The following DOK6 variants were observed in gnomAD, a reference collection of about 807,000 sequenced individuals.
DOK6 encodes the protein docking protein 6, also known as downstream of tyrosine kinase 6.
DOK6 carries 22 observed loss-of-function variants against 44.0 expected under a neutral mutation model. The ratio of observed to expected loss-of-function variants is 0.50; its 90% CI spans 0.36 to 0.71. DOK6 has a LOEUF of 0.71. Ranked by LOEUF, DOK6 falls within the 30% of genes least tolerant of loss-of-function variation. The pLI, the probability that DOK6 is intolerant of heterozygous loss-of-function variation, is 0.00. For synonymous variants in DOK6, 166 were observed against 145.5 expected (o/e 1.14, Z -1.01); for missense variants, 340 against 416.4 (o/e 0.82, Z 1.60).
chr18:69,529,132 G>A (rs1317413193), intron 1 of DOK6, among the ~76,000 whole-genome samples: 1 of 152,134 alleles, frequency 6.6e-6, no homozygotes, highest in Non-Finnish European at 1.5e-5. Flanking sequence ...TGCAACGAAA[G>A]GAAATTATTT....
chr18:69,509,474 A>G (rs533724453), intron 1 of DOK6, among the ~76,000 whole-genome samples: 2 of 151,816 alleles, frequency 1.3e-5, no homozygotes, highest in South Asian at 4.2e-4. Context: ...CGTCTCTACT[A>G]AAAAATAGAA....
chr18:69,669,541 A>G (rs1037179207), intron 3 of DOK6, among the ~76,000 whole-genome samples: 1 of 152,170 alleles, frequency 6.6e-6, no homozygotes, highest in Non-Finnish European at 1.5e-5. Flanking sequence ...GGCCTTTTAT[A>G]TGACACCTGT....
chr18:69,419,012 G>T (rs1176598320), intron 1 of DOK6, among the ~76,000 whole-genome samples: 2 of 152,064 alleles, frequency 1.3e-5, no homozygotes, highest in East Asian at 3.9e-4. Flanking sequence ...AGTGTTCTCT[G>T]TGAAATGAGG....
chr18:69,603,635 G>T (rs1224294617), intron 3 of DOK6, among the ~76,000 whole-genome samples: 1 of 152,126 alleles, frequency 6.6e-6, no homozygotes, highest in Admixed American at 6.5e-5. Context: ...GCCGGGTGTG[G>T]TGGCGGGCGC....
chr18:69,569,650 G>C (rs1042937444), intron 2 of DOK6, among the ~76,000 whole-genome samples: 7 of 152,128 alleles, frequency 4.6e-5, no homozygotes, highest in African/African-American at 1.7e-4. Context: ...TGAAGTGAAT[G>C]AAAATATCCT....
At chr18:69,772,955 A>T (rs1204539045) in intron 7 of DOK6, among the ~76,000 whole-genome samples, 5 of 152,088 alleles carry the variant, frequency 3.3e-5, no homozygotes, top group African/African-American at 9.7e-5. Flanking sequence ...ATAAGGAACT[A>T]ATTTCTAAAA....
chr18:69,631,890 C>T (rs1984698741), intron 3 of DOK6, among the ~76,000 whole-genome samples: 1 of 152,146 alleles, frequency 6.6e-6, no homozygotes, highest in African/African-American at 2.4e-5. Flanking sequence ...ACTTTCATCT[C>T]CAATTCTTTT....
chr18:69,793,866 T>C (rs1980668499), intron 7 of DOK6, among the ~76,000 whole-genome samples: 1 of 152,028 alleles, frequency 6.6e-6, no homozygotes, highest in African/African-American at 2.4e-5. Context: ...CACCAAGAAT[T>C]ATAGGACAAA....
chr18:69,646,095 T>C (rs937503080), intron 3 of DOK6, among the ~76,000 whole-genome samples: 3 of 152,176 alleles, frequency 2.0e-5, no homozygotes, highest in African/African-American at 7.2e-5. Context: ...TAGGAATCAA[T>C]GATTCTTTTA....
chr18:69,786,851 A>G (rs1980445363), intron 7 of DOK6, among the ~76,000 whole-genome samples: 1 of 152,248 alleles, frequency 6.6e-6, no homozygotes, highest in Admixed American at 6.5e-5. Context: ...CTAATTTTGT[A>G]GGTCAAAAGT....
At chr18:69,830,404 C>A (rs1599349336) in intron 7 of DOK6, among the ~76,000 whole-genome samples, 1 of 152,054 alleles carries the variant, frequency 6.6e-6, no homozygotes, top group African/African-American at 2.4e-5. Context: ...TCATCTGATA[C>A]AACTGGTGTT....
Position 69,548,565 on chromosome 18 carries a change from A to G in DOK6, c.67-15922A>G, listed in dbSNP as rs189024872. On this transcript the variant is annotated intron_variant, in intron 1 of 7. Transcript: ENST00000382713. ...CAGCATACAGTCTGTTTGGCTAAGC[A>G]TATAAAAGCTACAGAACTGTAGATA... Among the ~76,000 whole-genome samples the G allele has an allele frequency of 1.0e-3, 154 of 151,576 alleles. 7 individuals carry two copies. Among genetic ancestry groups the G allele is most frequent in the Admixed American group, 2.6e-3 (40 of 15,180 alleles).
At chr18:69,719,718 C>T (rs990225460) in intron 5 of DOK6, among the ~76,000 whole-genome samples, 1 of 152,300 alleles carries the variant, frequency 6.6e-6, no homozygotes, top group Non-Finnish European at 1.5e-5. Flanking sequence ...AACTAAATTG[C>T]TCCCATAGTT....
intron 5 of DOK6, among the ~76,000 whole-genome samples, chr18:69,731,866 G>C (rs1200243417): frequency 6.6e-6 from 1 of 152,112 alleles, no homozygotes; most frequent in Non-Finnish European, 1.5e-5. Context: ...GTCTTCTTTT[G>C]TTATTAGCTC....
At chr18:69,497,573 A>G (rs1980927795) in intron 1 of DOK6, among the ~76,000 whole-genome samples, 1 of 152,174 alleles carries the variant, frequency 6.6e-6, no homozygotes, top group Non-Finnish European at 1.5e-5. Context: ...GACGGTTACT[A>G]ATTTATGAAC....
At chr18:69,651,507 A>T (rs1235676559) in intron 3 of DOK6, among the ~76,000 whole-genome samples, 122 of 94,808 alleles carry the variant, frequency 1.3e-3, no homozygotes, top group African/African-American at 4.9e-3. Flanking sequence ...TTTTTTTTTT[A>T]AGACAGAGTC....
intron 4 of DOK6, among the ~76,000 whole-genome samples, chr18:69,678,764 A>T (rs1404133340): frequency 6.6e-6 from 1 of 152,192 alleles, no homozygotes; most frequent in African/African-American, 2.4e-5. Flanking sequence ...TAAAAATATG[A>T]TCACCACCAC....
At chr18:69,657,517 T>C (rs11660034) in intron 3 of DOK6, among the ~76,000 whole-genome samples, 56,040 of 152,038 alleles carry the variant, frequency 0.37, 11,322 homozygotes, top group Non-Finnish European at 0.45. Context: ...CAGGGCTATT[T>C]CTTACTACAG....
chr18:69,581,968 C>T (rs760181149), intron 2 of DOK6, among the ~76,000 whole-genome samples: 15 of 152,160 alleles, frequency 9.9e-5, no homozygotes, highest in Non-Finnish European at 1.6e-4. Context: ...CATGCTGCCT[C>T]TTAACAGCAT....
Sources: gnomAD v4.1 joint callset for allele counts (sites outside exome capture counted in the v4.1 genomes callset) on GRCh38, gnomAD v4.1.1 for gene constraint, MANE v1.5 for transcripts, NCBI Gene and HGNC (gene_info 2026-07-23, HGNC 2026-07-21) for gene names.